Variants in RTEL1 observed in about 807,000 individuals in gnomAD.
RTEL1 encodes the protein regulator of telomere length.
In RTEL1, 86 loss-of-function variants were observed where a neutral mutation model predicts 162.2. The ratio of observed to expected loss-of-function variants is 0.53; its 90% CI spans 0.45 to 0.63. RTEL1 has a LOEUF of 0.63. RTEL1 is among the 30% of genes least tolerant of loss of function. The pLI, the probability that RTEL1 is intolerant of heterozygous loss-of-function variation, is 0.00. For synonymous variants in RTEL1, 958 were observed against 717.9 expected (o/e 1.33, Z -5.35); for missense variants, 1,941 against 1,750.2 (o/e 1.11, Z -1.95).
chr20:63,667,119 G>T (rs1018052472), intron 7 of RTEL1, among the ~76,000 whole-genome samples: 2 of 152,198 alleles, frequency 1.3e-5, no homozygotes, highest in Admixed American at 6.5e-5. Context: ...GATTACAGGA[G>T]TGAGCCACCG....
Position 63,693,021 on chromosome 20 carries a change from G to T in RTEL1, c.2851+18G>T. 1 of 1,612,060 alleles carries T rather than the reference G, an allele frequency of 6.2e-7. No individual in the cohort carries two copies. Among genetic ancestry groups the T allele is most frequent in the Non-Finnish European group, 8.5e-7 (1 of 1,179,410 alleles). ...GCTCCAAGGTGCCCTGGCTTGCAGA[G>T]GCCACCCACCCTGAGGGCAGTGCTG... is the stretch of plus-strand genomic sequence containing the variant. On this transcript the variant is annotated intron_variant, in intron 29 of 34. Transcript: ENST00000360203.
intron 27 of RTEL1, among the ~76,000 whole-genome samples, chr20:63,691,507 G>A (rs974408940): frequency 1.3e-5 from 2 of 152,092 alleles, no homozygotes; most frequent in African/African-American, 4.8e-5. Context: ...TGGTCGGACT[G>A]TCTTCCCTGG....
chr20:63,680,152 G>A (rs971177050), intron 13 of RTEL1, among the ~76,000 whole-genome samples: 3 of 152,176 alleles, frequency 2.0e-5, no homozygotes, highest in Admixed American at 6.5e-5. Flanking sequence ...TGCAGCTGGC[G>A]GCTTCGTCCT....
In RTEL1 at chr20:63,696,109, C is replaced by T. The variant is rs745729902; in HGVS notation, c.*251C>T. On this transcript the variant is annotated 3_prime_UTR_variant, in exon 35 of 35. Transcript: ENST00000360203. Reference sequence around the variant, plus strand: ...GGGAAAGTGCTTCCCCAGAACTTCCCTGGCTCCTGGCCTGTGAGTGGTGCC... The same window carrying T: ...GGGAAAGTGCTTCCCCAGAACTTCCTTGGCTCCTGGCCTGTGAGTGGTGCC... 6 of 553,298 alleles carry T rather than the reference C, an allele frequency of 1.1e-5. No individual in the cohort carries two copies. Among genetic ancestry groups the T allele is most frequent in the African/African-American group, 9.5e-5 (5 of 52,476 alleles). The allele number at this position is 553,298 out of a possible 1,614,324, so 34.3% of individuals were successfully genotyped here.
rs182511329 is a variant in RTEL1, at chr20:63,661,714, T to C, written c.302-136T>C. 4.1e-4 allele frequency: 375 copies of C among 921,422 alleles called. 1 individual carries two copies. The highest frequency in any genetic ancestry group is 5.2e-4 in the Admixed American group (24 of 46,392). 57.1% of individuals were successfully genotyped at this position (921,422 alleles called of 1,614,324 possible). A position where few individuals can be genotyped will look rare whatever the true frequency, so the allele number is the denominator to read the frequency against. On this transcript the variant is annotated intron_variant, in intron 3 of 34. Coordinates refer to ENST00000360203, the MANE Select transcript of RTEL1 (RefSeq NM_001283009.2). The surrounding 1 kb of genome is among the most constrained non-coding windows in gnomAD (Gnocchi z 5.1). ...GCACGGCAGATGCCCACTTCACCCA[T>C]TTTTGATAAACCAGTATCTGGGGTG...
At chr20:63,692,427 C>G (rs909738097) in intron 28 of RTEL1, 89 of 324,040 alleles carry the variant, frequency 2.7e-4, no homozygotes, top group African/African-American at 1.9e-3. Context: ...CACTGCTCAT[C>G]CGGAAGCCCC....
chr20:63,687,783 C>T lies in RTEL1; in HGVS notation c.1481+13C>T, dbSNP rs766019309. 10 of 1,560,256 alleles carry T rather than the reference C, an allele frequency of 6.4e-6. No homozygotes were observed. The highest frequency in any genetic ancestry group is 7.8e-6 in the Non-Finnish European group (9 of 1,152,826). Reference sequence around the variant, plus strand: ...TGGAGATGCAGATGTACGGGCCACCCCTGCCAGGGCCTGAGCACCGGTGAC... The same window carrying T: ...TGGAGATGCAGATGTACGGGCCACCTCTGCCAGGGCCTGAGCACCGGTGAC... On this transcript the variant is annotated intron_variant, in intron 17 of 34. Coordinates refer to ENST00000360203, the MANE Select transcript of RTEL1 (RefSeq NM_001283009.2).
At chr20:63,665,868 G>A (rs1307267820) in intron 6 of RTEL1, 136 bp from the exon 7 acceptor site, 1 of 693,254 alleles carries the variant, frequency 1.4e-6, no homozygotes, top group East Asian at 2.8e-5. Context: ...TGGGTGCTTT[G>A]TGGCGCGTTC....
chr20:63,693,248 G>T lies in RTEL1; in HGVS notation c.2957G>T (p.Arg986Leu), dbSNP rs146221660. Reference sequence around the variant, plus strand: ...TATCGGCCTGAGCACAGCATTCCCCGAAGGCAGCGGGCACAGCCGGTCCTG... The same window carrying T: ...TATCGGCCTGAGCACAGCATTCCCCTAAGGCAGCGGGCACAGCCGGTCCTG... ...CGYRPEHSIP[R>L]RQRAQPVLDP... The change falls in exon 30 of 35, where the codon CGA (arginine) becomes CTA (leucine). Residue 986 changes from arginine to leucine, a missense_variant. Transcript: ENST00000360203. 1 of 1,611,960 alleles carries T rather than the reference G, an allele frequency of 6.2e-7. No homozygotes were observed. Among genetic ancestry groups the T allele is most frequent in the East Asian group, 2.2e-5 (1 of 44,892 alleles).
At chr20:63,681,498 A>T in intron 14 of RTEL1, 1 of 984,850 alleles carries the variant, frequency 1.0e-6, no homozygotes. Context: ...AGGGTTAGGC[A>T]GGGCTGCCCA....
Position 63,659,708 on chromosome 20 carries a change from C to T in RTEL1, c.102+204C>T, listed in dbSNP as rs147054744. Among the ~76,000 whole-genome samples the T allele has an allele frequency of 9.2e-3, 1,400 of 152,284 alleles. 17 individuals are homozygous for T. Among genetic ancestry groups the T allele is most frequent in the Non-Finnish European group, 0.015 (1,010 of 68,020 alleles). ...CGTCCTTTGAAGGGGGCCGGCCCCT[C>T]CACACCTGTGGGTATTTCTCATCAG... On this transcript the variant is annotated intron_variant, in intron 2 of 34. Coordinates refer to ENST00000360203, the MANE Select transcript of RTEL1 (RefSeq NM_001283009.2).
At chr20:63,690,708 A>G in intron 26 of RTEL1, 97 bp from the exon 27 acceptor site, 5 of 1,379,832 alleles carry the variant, frequency 3.6e-6, no homozygotes, top group Non-Finnish European at 4.9e-6. Context: ...CAGGACCCCA[A>G]GTGCTGGGAC....
chr20:63,685,944 GCA>G, intron 16 of RTEL1, 72 bp downstream of exon 16: 2 of 1,441,724 alleles, frequency 1.4e-6, no homozygotes, highest in Non-Finnish European at 9.6e-7. Flanking sequence ...CACAGGCTAG[GCA>G]CATGCCCAGC....
At chr20:63,677,305 A>G (rs1349531544) in intron 10 of RTEL1, among the ~76,000 whole-genome samples, 1 of 152,198 alleles carries the variant, frequency 6.6e-6, no homozygotes, top group East Asian at 1.9e-4. Flanking sequence ...AGGTGTGTTC[A>G]CAAATGTTAA....
At chr20:63,659,167 C>T (rs1186950917) in intron 1 of RTEL1, 66 bp from the exon 2 acceptor site, 2 of 538,858 alleles carry the variant, frequency 3.7e-6, no homozygotes, top group East Asian at 6.2e-5. Context: ...CTGATGGAAA[C>T]GCCTGGGAAA....
At position 63,681,537 on chromosome 20, in the gene RTEL1, C is replaced by G. The variant is rs796940946; in HGVS notation, c.1191+818C>G. The G allele has an allele frequency of 3.3e-5, 33 of 985,164 alleles. 1 individual carries two copies. The African/African-American group carries it at 5.6e-4, about 17-fold the overall frequency. The allele number at this position is 985,164 out of a possible 1,614,324, so 61.0% of individuals were successfully genotyped here. ...CTATGACAGCTTCATGAGTGTCCAT[C>G]TGGCCTGTGGGGTGCTTGAGCTGGG... On this transcript the variant is annotated intron_variant, in intron 14 of 34. Transcript: ENST00000360203.
In RTEL1 at chr20:63,680,690, G is replaced by A. The variant is rs762108489; in HGVS notation, c.1162G>A (p.Gly388Arg). 3 of 1,613,350 alleles carry A rather than the reference G, an allele frequency of 1.9e-6. No homozygotes were observed. Among genetic ancestry groups the A allele is most frequent in the South Asian group, 2.2e-5 (2 of 91,082 alleles). ...GRAGVFTNTAGLQKLADIIQI... is the reference protein window; with the variant it reads ...GRAGVFTNTARLQKLADIIQI... ...TGCTGGAGTGTTCACCAACACGGCCGGACTGCAGAAGCTGGCGGACATTAT... is the reference window on the plus strand; with the variant it reads ...TGCTGGAGTGTTCACCAACACGGCCAGACTGCAGAAGCTGGCGGACATTAT... Residue 388 changes from glycine (G) to arginine (R), a missense_variant, in exon 14 of 35, where the codon GGA becomes AGA. Transcript: ENST00000360203.
intron 10 of RTEL1, among the ~76,000 whole-genome samples, chr20:63,677,504 A>T (rs2090380309): frequency 6.6e-6 from 1 of 152,216 alleles, no homozygotes; most frequent in Admixed American, 6.5e-5. Flanking sequence ...AGTCCCAGCT[A>T]GTCGGGAGAC....
rs201714226 is a variant in RTEL1, at chr20:63,688,645, G to C, written c.1800+40G>C. On this transcript the variant is annotated intron_variant, in intron 21 of 34. Coordinates refer to ENST00000360203, the MANE Select transcript of RTEL1 (RefSeq NM_001283009.2). ...GGGGCTCTGGGCCTGCTGCCCCCTC[G>C]TGCCTCCCCTGCCTCTCACAGCTTC... 3 of 1,560,448 alleles carry C rather than the reference G, an allele frequency of 1.9e-6. No homozygotes were observed. The African/African-American group carries it at 4.0e-5, about 21-fold the overall frequency.
Sources: gnomAD v4.1 joint callset for allele counts (sites outside exome capture counted in the v4.1 genomes callset) on GRCh38, gnomAD v4.1.1 for gene constraint, Gnocchi (gnomAD v3.1) non-coding constraint, MANE v1.5 for transcripts, NCBI Gene and HGNC (gene_info 2026-07-23, HGNC 2026-07-21) for gene names.